Variants in CACNA2D4 observed in about 807,000 individuals in gnomAD.
CACNA2D4 encodes the protein calcium voltage-gated channel auxiliary subunit alpha2delta 4, also known as voltage-dependent calcium channel subunit alpha-2/delta-4.
In CACNA2D4, 157 loss-of-function variants were observed where a neutral mutation model predicts 163.8. The observed-to-expected ratio is 0.96, with a 90% confidence interval of 0.84 to 1.09. CACNA2D4 has a LOEUF of 1.09. Ranked by LOEUF, CACNA2D4 falls within the 50% of genes least tolerant of loss-of-function variation. CACNA2D4 has a pLI of 0.00. For synonymous variants in CACNA2D4, 598 were observed against 586.9 expected (o/e 1.02, Z -0.27); for missense variants, 1,410 against 1,479.9 (o/e 0.95, Z 0.78).
At chr12:1,795,552 C>CG in intron 36 of CACNA2D4, 116 bp downstream of exon 36, 1 of 834,280 alleles carries the variant, frequency 1.2e-6, no homozygotes, top group Non-Finnish European at 1.8e-6. Flanking sequence ...TAACGGAGCC[C>CG]TGTGGAGGAC....
chr12:1,849,981 C>T (rs151262116), intron 23 of CACNA2D4, among the ~76,000 whole-genome samples: 3 of 152,214 alleles, frequency 2.0e-5, no homozygotes, highest in East Asian at 1.9e-4. Flanking sequence ...CACTGATGAA[C>T]GTTTGGGTTG....
At chr12:1,876,781 G>C (rs769181584) in intron 16 of CACNA2D4, among the ~76,000 whole-genome samples, 1 of 152,066 alleles carries the variant, frequency 6.6e-6, no homozygotes, top group African/African-American at 2.4e-5. Context: ...TTTTACATGG[G>C]ATCTGTTTCC....
rs1422007706 is a variant in CACNA2D4, at chr12:1,802,595, G to T, written c.2722-951C>A. ...TCAGGGTGGCAGAGCTTGGGCTTTG[G>T]TGTTGGATTTCGACTTTAATGTAGG... On this transcript the variant is annotated intron_variant, in intron 29 of 37. Transcript: ENST00000382722. This position sits in a 1 kb window ranked among gnomAD's most constrained non-coding sequence, Gnocchi z 4.7. Among the ~76,000 whole-genome samples, 1 of 152,226 alleles carries T rather than the reference G, an allele frequency of 6.6e-6. No individual in the cohort carries two copies. Among genetic ancestry groups the T allele is most frequent in the Admixed American group, 6.5e-5 (1 of 15,290 alleles).
chr12:1,882,424 G>C (rs1218089586), intron 13 of CACNA2D4, among the ~76,000 whole-genome samples: 1 of 151,960 alleles, frequency 6.6e-6, no homozygotes, highest in Non-Finnish European at 1.5e-5. Flanking sequence ...TCATTCTTTC[G>C]TGCAAGTCAT....
chr12:1,886,643 G>A (rs936948323), intron 7 of CACNA2D4, among the ~76,000 whole-genome samples: 1 of 152,140 alleles, frequency 6.6e-6, no homozygotes, highest in Non-Finnish European at 1.5e-5. Flanking sequence ...GACCAACCGG[G>A]GTCCCTGAGG....
Position 1,828,359 on chromosome 12 carries a change from T to C in CACNA2D4, c.2551+12380A>G, listed in dbSNP as rs1864454245. 2 of 704,728 alleles carry C rather than the reference T, an allele frequency of 2.8e-6. No individual in the cohort carries two copies. Among genetic ancestry groups the C allele is most frequent in the East Asian group, 3.2e-5 (1 of 31,566 alleles). 43.7% of individuals were successfully genotyped at this position (704,728 alleles called of 1,614,324 possible). A position where few individuals can be genotyped will look rare whatever the true frequency, so the allele number is the denominator to read the frequency against. On this transcript the variant is annotated intron_variant, in intron 26 of 37. Transcript: ENST00000382722. This position sits in a 1 kb window ranked among gnomAD's most constrained non-coding sequence, Gnocchi z 4.2. ...TCTTCCTGGGGTACCCGAGGCTATG[T>C]TCTGGGAAGCCAGGGTCACGCCCAC...
chr12:1,814,565 C>A (rs1001984227), intron 26 of CACNA2D4, among the ~76,000 whole-genome samples: 16 of 152,228 alleles, frequency 1.1e-4, no homozygotes, highest in Non-Finnish European at 2.1e-4. Context: ...TGTTCTCCCC[C>A]AGACCTGACC....
rs749108772 is a variant in CACNA2D4 at position 1,834,373 on chromosome 12, C to T, written c.2551+6366G>A. On this transcript the variant is annotated intron_variant, in intron 26 of 37. Transcript: ENST00000382722. This position sits in a 1 kb window ranked among gnomAD's most constrained non-coding sequence, Gnocchi z 7.6. ...TCAACTACTGCTCCCAGCTGGAGGA[C>T]GAGAATAGCTCAGCTGGGCTGGATA... The T allele has an allele frequency of 3.1e-5, 50 of 1,613,032 alleles. No homozygotes were observed. The highest frequency in any genetic ancestry group is 8.8e-5 in the South Asian group (8 of 91,078).
At position 1,800,661 on chromosome 12, in the gene CACNA2D4, C is replaced by A. The variant is rs1039125522; in HGVS notation, c.2869-223G>T. ...TGGGAAATGCCTATTGCAGGTCAGA[C>A]ATCTCGGGTGGGGTTGGACATGCCC... On this transcript the variant is annotated intron_variant, in intron 31 of 37. Coordinates refer to ENST00000382722, the MANE Select transcript of CACNA2D4 (RefSeq NM_172364.5). The A allele has an allele frequency of 6.6e-6, 4 of 602,216 alleles. No individual in the cohort carries two copies. In the African/African-American group the frequency reaches 7.4e-5, roughly 11 times the overall value. 37.3% of individuals were successfully genotyped at this position (602,216 alleles called of 1,614,324 possible).
Position 1,878,881 on chromosome 12 carries a change from G to C in CACNA2D4, c.1644+75C>G. ...GCTCTGGGCTTGGCTTGCCTGGAGAGAGGCTCCCATCACGGGGGAGGGAGT... is the reference window on the plus strand; with the variant it reads ...GCTCTGGGCTTGGCTTGCCTGGAGACAGGCTCCCATCACGGGGGAGGGAGT... On this transcript the variant is annotated intron_variant, in intron 15 of 37. Coordinates refer to ENST00000382722, the MANE Select transcript of CACNA2D4 (RefSeq NM_172364.5). This position sits in a 1 kb window ranked among gnomAD's most constrained non-coding sequence, Gnocchi z 4.6. 7.2e-7 allele frequency: 1 copy of C among 1,380,070 alleles called. No individual in the cohort carries two copies. Among genetic ancestry groups the C allele is most frequent in the South Asian group, 1.3e-5 (1 of 79,000 alleles). 85.5% of individuals were successfully genotyped at this position (1,380,070 alleles called of 1,614,324 possible).
intron 28 of CACNA2D4, 27 bp from the exon 29 acceptor site, chr12:1,810,367 A>T (rs754974300): frequency 5.0e-6 from 8 of 1,609,062 alleles, no homozygotes; most frequent in Non-Finnish European, 6.0e-6. Flanking sequence ...AAGGGAGGTT[A>T]TGCCAGGGCC....
intron 19 of CACNA2D4, 55 bp from the exon 20 acceptor site, chr12:1,858,699 T>C (rs1276614144): frequency 6.9e-7 from 1 of 1,445,884 alleles, no homozygotes; most frequent in East Asian, 2.4e-5. Context: ...CCGGCCTGTC[T>C]CCCGGGCCTC....
Position 1,879,843 on chromosome 12 carries a change from G to T in CACNA2D4, c.1524C>A (p.Thr508=), listed in dbSNP as rs761109607. The change falls in exon 14 of 38, where the codon ACC becomes ACA. Residue 508 remains threonine, a synonymous_variant. Coordinates refer to ENST00000382722, the MANE Select transcript of CACNA2D4 (RefSeq NM_172364.5). The part of the protein sequence containing the change: ...SSQAQSLTLL[T]TVAMPVFSKK... ...TGCTGAAGACTGGCATGGCCACAGTGGTGAGCAGTGTCAGGCTCTGAGCCT... is the reference window on the plus strand; with the variant it reads ...TGCTGAAGACTGGCATGGCCACAGTTGTGAGCAGTGTCAGGCTCTGAGCCT... 6.2e-7 allele frequency: 1 copy of T among 1,603,630 alleles called. No homozygotes were observed. The highest frequency in any genetic ancestry group is 1.1e-5 in the South Asian group (1 of 88,602).
chr12:1,907,590 G>A lies in CACNA2D4; in HGVS notation c.650-19C>T. The A allele has an allele frequency of 1.2e-6, 2 of 1,607,670 alleles. No individual in the cohort carries two copies. The highest frequency in any genetic ancestry group is 2.2e-5 in the East Asian group (1 of 44,810). On this transcript the variant is annotated intron_variant, in intron 5 of 37. Coordinates refer to ENST00000382722, the MANE Select transcript of CACNA2D4 (RefSeq NM_172364.5). ...TCTGGGTCTGAAGGGTGAGACTATA[G>A]ATTATGATCCTGTAGAACTTCTCAG...
intron 26 of CACNA2D4, among the ~76,000 whole-genome samples, chr12:1,837,196 A>G (rs1248262951): frequency 6.6e-6 from 1 of 152,206 alleles, no homozygotes; most frequent in Non-Finnish European, 1.5e-5. Context: ...TGTGGCGAGA[A>G]GGCACTGTTT....
chr12:1,820,129 C>T lies in CACNA2D4; in HGVS notation c.2552-8406G>A, dbSNP rs1864030896. 6.6e-6 allele frequency: 1 copy of T among 152,230 alleles called. No individual in the cohort carries two copies. The highest frequency in any genetic ancestry group is 2.1e-4 in the South Asian group (1 of 4,834). The allele number at this position is 152,230 out of a possible 1,614,324, so 9.4% of individuals were successfully genotyped here. A position where few individuals can be genotyped will look rare whatever the true frequency, so the allele number is the denominator to read the frequency against. On this transcript the variant is annotated intron_variant, in intron 26 of 37. Coordinates refer to ENST00000382722, the MANE Select transcript of CACNA2D4 (RefSeq NM_172364.5). The surrounding 1 kb of genome is among the most constrained non-coding windows in gnomAD (Gnocchi z 6.0). ...GTCTCTAAAACAGGAGAAAGACCAG[C>T]TTCCCAGGGGGGCCTCCATCGGAAC...
At position 1,916,516 on chromosome 12, in the gene CACNA2D4, G is replaced by A. The variant is rs77879195; in HGVS notation, c.228-1581C>T. ...GGCTCTCTCAAGGAGAGTGTGCAGC[G>A]TGAGATCTCTGAGCGTCGACAGCTG... On this transcript the variant is annotated intron_variant, in intron 1 of 37. Transcript: ENST00000382722. Among the ~76,000 whole-genome samples, 362 of 152,264 alleles carry A rather than the reference G, an allele frequency of 2.4e-3. 1 individual carries two copies. The highest frequency in any genetic ancestry group is 7.8e-3 in the African/African-American group (325 of 41,534).
chr12:1,897,339 G>A (rs1235563664), intron 6 of CACNA2D4, among the ~76,000 whole-genome samples: 2 of 152,166 alleles, frequency 1.3e-5, no homozygotes, highest in Non-Finnish European at 2.9e-5. Flanking sequence ...ACTATAGTTA[G>A]CACTGCATTG....
chr12:1,847,943 G>A (rs574434427), intron 23 of CACNA2D4, among the ~76,000 whole-genome samples: 18 of 152,130 alleles, frequency 1.2e-4, no homozygotes, highest in African/African-American at 4.1e-4. Context: ...TAATCCAGTC[G>A]CCTCGCGAAT....
Sources: gnomAD v4.1 joint callset for allele counts (sites outside exome capture counted in the v4.1 genomes callset) on GRCh38, gnomAD v4.1.1 for gene constraint, Gnocchi (gnomAD v3.1) non-coding constraint, MANE v1.5 for transcripts, NCBI Gene and HGNC (gene_info 2026-07-23, HGNC 2026-07-21) for gene names.